The following KCMF1 variants were observed in gnomAD, a reference collection of about 807,000 sequenced individuals.
The protein encoded by KCMF1 is E3 ubiquitin-protein ligase KCMF1.
A neutral mutation model predicts 41.1 loss-of-function variants in KCMF1; 3 were observed. The observed-to-expected ratio is 0.07, with a 90% CI of 0.03 to 0.19. The LOEUF (loss-of-function observed/expected upper bound fraction) is 0.19. Among genes scored for constraint, KCMF1 ranks in the 10% least tolerant of loss-of-function variants. The pLI is 1.00. For synonymous variants in KCMF1, 142 were observed against 164.5 expected, an observed-to-expected ratio of 0.86 and a Z score of 1.04; for missense variants, 286 against 488.9, an observed-to-expected ratio of 0.58 and a Z score of 3.91.
Position 85,057,156 on chromosome 2 carries a change from G to A in KCMF1, c.*3747G>A, listed in dbSNP as rs1675954044. On this transcript the variant is annotated 3_prime_UTR_variant, in exon 7 of 7. Transcript: ENST00000409785. ...CACGCCGCCATTGCACTCCAGCCCG[G>A]GCGACGGTGCAAGACTCTGTCTCAA... 6.6e-6 allele frequency: 1 copy of A among 151,922 alleles called. No individual in the cohort carries two copies. The highest frequency in any genetic ancestry group is 6.6e-5 in the Admixed American group (1 of 15,266). The allele number at this position is 151,922 out of a possible 1,614,324, so 9.4% of individuals were successfully genotyped here.
rs979727044 is a variant in KCMF1 at position 85,056,303 on chromosome 2, A to T, written c.*2894A>T. ...AAAAAAAATCCAGCCCATTATCCCC[A>T]CCCCCCATTTTCCCTCTCAATATTA... On this transcript the variant is annotated 3_prime_UTR_variant, in exon 7 of 7. Coordinates refer to ENST00000409785, the MANE Select transcript of KCMF1 (RefSeq NM_020122.5). The T allele has an allele frequency of 6.6e-6, 1 of 151,456 alleles. No homozygotes were observed. The highest frequency in any genetic ancestry group is 2.4e-5 in the African/African-American group (1 of 41,202). 9.4% of individuals were successfully genotyped at this position (151,456 alleles called of 1,614,324 possible).
chr2:85,014,747 G>GTT (rs1491559699), intron 1 of KCMF1, among the ~76,000 whole-genome samples: 40 of 148,834 alleles, frequency 2.7e-4, no homozygotes, highest in African/African-American at 1.0e-3. Flanking sequence ...GTGTGTGTGT[G>GTT]TTTTTAAATA....
At chr2:85,035,708 A>G (rs1311004665) in intron 3 of KCMF1, among the ~76,000 whole-genome samples, 1 of 152,200 alleles carries the variant, frequency 6.6e-6, no homozygotes, top group Non-Finnish European at 1.5e-5. Flanking sequence ...TGGACCCAGA[A>G]TAATACACAA....
rs1329190715 is a variant in KCMF1, at chr2:85,056,682, GTC to G, written c.*3275_*3276del. On this transcript the variant is annotated 3_prime_UTR_variant, in exon 7 of 7. Coordinates refer to ENST00000409785, the MANE Select transcript of KCMF1 (RefSeq NM_020122.5). ...TAACAGTGTTCAGTACCAATATTAA[GTC>G]TACTGTAAGTGGGGTCTGATATGGC... The G allele has an allele frequency of 1.8e-4, 27 of 152,180 alleles. 1 individual carries two copies. The highest frequency in any genetic ancestry group is 6.3e-4 in the African/African-American group (26 of 41,434). 9.4% of individuals were successfully genotyped at this position (152,180 alleles called of 1,614,324 possible).
chr2:85,028,191 CT>C (rs1558580872), intron 2 of KCMF1, 135 bp downstream of exon 2: 76 of 612,446 alleles, frequency 1.2e-4, no homozygotes, highest in Non-Finnish European at 1.5e-4. Context: ...ATAAATCTTA[CT>C]TTTTTTTGAG....
intron 1 of KCMF1, among the ~76,000 whole-genome samples, chr2:85,012,747 C>A (rs1249523236): frequency 3.3e-5 from 5 of 152,194 alleles, no homozygotes. Flanking sequence ...ATTCCTACTC[C>A]TATACAGAGC....
intron 1 of KCMF1, among the ~76,000 whole-genome samples, chr2:84,978,591 G>T (rs953500932): frequency 6.6e-6 from 1 of 151,320 alleles, no homozygotes; most frequent in African/African-American, 2.4e-5. Flanking sequence ...CTGTCATCCA[G>T]GCTGGAGTGC....
intron 1 of KCMF1, among the ~76,000 whole-genome samples, chr2:85,018,206 G>A (rs564462037): frequency 6.6e-6 from 1 of 151,100 alleles, no homozygotes; most frequent in South Asian, 2.1e-4. Context: ...GCTTGTTCAA[G>A]TTAGCATTTT....
Position 84,971,433 on chromosome 2 carries a change from CG to C in KCMF1, c.-18del. On this transcript the variant is annotated 5_prime_UTR_variant, in exon 1 of 7. Coordinates refer to ENST00000409785, the MANE Select transcript of KCMF1 (RefSeq NM_020122.5). ...AGCCGGAGCCCGGGAGGGGCCGCGCCGCCACCGTCTGAACTAGGATGTCCCG... is the reference window on the plus strand; with the variant it reads ...AGCCGGAGCCCGGGAGGGGCCGCGCCCCACCGTCTGAACTAGGATGTCCCG... 8.0e-7 allele frequency: 1 copy of C among 1,257,510 alleles called. No homozygotes were observed. The highest frequency in any genetic ancestry group is 1.0e-6 in the Non-Finnish European group (1 of 981,264). 77.9% of individuals were successfully genotyped at this position (1,257,510 alleles called of 1,614,324 possible).
intron 1 of KCMF1, among the ~76,000 whole-genome samples, chr2:84,995,100 C>A (rs1332359501): frequency 6.6e-6 from 1 of 151,858 alleles, no homozygotes; most frequent in Non-Finnish European, 1.5e-5. Flanking sequence ...TGGCTCACTA[C>A]AACCTCCGCC....
At chr2:84,974,658 CATATATATATATATATATAT>C (rs71392939) in intron 1 of KCMF1, among the ~76,000 whole-genome samples, 30 of 29,332 alleles carry the variant, frequency 1.0e-3, no homozygotes, top group African/African-American at 3.9e-3. Flanking sequence ...ATTTTAATTT[CATATATATATATATATATAT>C]ATATATATAT....
rs1385154564 is a variant in KCMF1, at chr2:85,055,795, ACAAAAT to A, written c.*2393_*2398del. 1 of 152,132 alleles carries A rather than the reference ACAAAAT, an allele frequency of 6.6e-6. No individual in the cohort carries two copies. The highest frequency in any genetic ancestry group is 1.5e-5 in the Non-Finnish European group (1 of 68,016). 9.4% of individuals were successfully genotyped at this position (152,132 alleles called of 1,614,324 possible). A position where few individuals can be genotyped will look rare whatever the true frequency, so the allele number is the denominator to read the frequency against. ...ATTAATTGCAAAGACTTTGATGGAGACAAAATCAAAATATACCACTGTTTATTTTGG... is the reference window on the plus strand; with the variant it reads ...ATTAATTGCAAAGACTTTGATGGAGACAAAATATACCACTGTTTATTTTGG... On this transcript the variant is annotated 3_prime_UTR_variant, in exon 7 of 7. Coordinates refer to ENST00000409785, the MANE Select transcript of KCMF1 (RefSeq NM_020122.5).
Position 85,035,115 on chromosome 2 carries a change from A to G in KCMF1, c.284A>G (p.Glu95Gly). The G allele has an allele frequency of 6.2e-7, 1 of 1,613,596 alleles. No individual in the cohort carries two copies. Residue 95 changes from glutamate (E) to glycine (G), a missense_variant, in exon 3 of 7, where the codon GAA becomes GGA. By Grantham distance (98) the Glu-to-Gly change is moderately conservative. Transcript: ENST00000409785. Reference sequence around the variant, plus strand: ...GGCTATACGGAGACATCTCTTCAAGAACATGTTACTTCTGAACATGCAGAA... The same window carrying G: ...GGCTATACGGAGACATCTCTTCAAGGACATGTTACTTCTGAACATGCAGAA... ...KMGYTETSLQ[E>G]HVTSEHAETS...
Position 84,972,201 on chromosome 2 carries a change from A to T in KCMF1, c.16+734A>T, listed in dbSNP as rs1302855673. 2.6e-5 allele frequency: 4 copies of T among 152,420 alleles called. No individual in the cohort carries two copies. In the East Asian group the frequency reaches 5.8e-4, roughly 22 times the overall value. 9.4% of individuals were successfully genotyped at this position (152,420 alleles called of 1,614,324 possible). ...CCGCGGCCCTGGTGCCCTCGCCGGC[A>T]TGTGCTGCCTACCAGACCAGGTTTT... On this transcript the variant is annotated intron_variant, in intron 1 of 6. Coordinates refer to ENST00000409785, the MANE Select transcript of KCMF1 (RefSeq NM_020122.5).
rs146823537 is a variant in KCMF1, at chr2:85,026,492, A to ATTATTATTT, written c.17-1392_17-1391insATTTTTATT. On this transcript the variant is annotated intron_variant, in intron 1 of 6. Coordinates refer to ENST00000409785, the MANE Select transcript of KCMF1 (RefSeq NM_020122.5). ...TATTATTATTATTATTATTATTATT[A>ATTATTATTT]TTATTTTTATTTTTTCCAGACAGGG... Among the ~76,000 whole-genome samples, 245 of 143,128 alleles carry ATTATTATTT rather than the reference A, an allele frequency of 1.7e-3. 1 individual carries two copies. The South Asian group carries it at 0.021, about 12-fold the overall frequency. 93.9% of individuals were successfully genotyped at this position (143,128 alleles called of 152,430 possible).
chr2:84,978,934 G>GAAC (rs962027140), intron 1 of KCMF1, among the ~76,000 whole-genome samples: 2 of 151,714 alleles, frequency 1.3e-5, no homozygotes, highest in Admixed American at 1.3e-4. Flanking sequence ...GGCTGGTCTC[G>GAAC]AACTCCTGAC....
intron 5 of KCMF1, among the ~76,000 whole-genome samples, chr2:85,047,639 A>C (rs1427140517): frequency 1.3e-5 from 2 of 151,846 alleles, no homozygotes; most frequent in Non-Finnish European, 1.5e-5. Context: ...TGGCCATGTC[A>C]CTGAGTCTAG....
chr2:84,987,025 C>T (rs374949194), intron 1 of KCMF1, among the ~76,000 whole-genome samples: 1 of 152,216 alleles, frequency 6.6e-6, no homozygotes, highest in East Asian at 1.9e-4. Flanking sequence ...TGTTTAGCTA[C>T]TCTCTAAGGC....
In KCMF1 at chr2:85,027,884, T is replaced by TA. The variant is rs1558580781; in HGVS notation, c.17-4dup. 1.9e-6 allele frequency: 3 copies of TA among 1,580,316 alleles called. No homozygotes were observed. The highest frequency in any genetic ancestry group is 2.2e-5 in the East Asian group (1 of 44,674). ...GGTAACTAAAGATATTTCTTTTTTTTATAGGTGTCAGCTGTGATGCATGTT... is the reference window on the plus strand; with the variant it reads ...GGTAACTAAAGATATTTCTTTTTTTTAATAGGTGTCAGCTGTGATGCATGTT... On this transcript the variant is annotated splice_region_variant and splice_polypyrimidine_tract_variant and intron_variant, in intron 1 of 6. Coordinates refer to ENST00000409785, the MANE Select transcript of KCMF1 (RefSeq NM_020122.5).
Sources: gnomAD v4.1 joint callset for allele counts (sites outside exome capture counted in the v4.1 genomes callset) on GRCh38, gnomAD v4.1.1 for gene constraint, MANE v1.5 for transcripts, NCBI Gene and HGNC (gene_info 2026-07-23, HGNC 2026-07-21) for gene names.